Variants in ENPP6 observed in about 807,000 individuals in gnomAD.
ENPP6 encodes glycerophosphocholine cholinephosphodiesterase ENPP6.
ENPP6 carries 32 observed loss-of-function variants against 42.0 expected under a neutral mutation model. The ratio of observed to expected loss-of-function variants is 0.76; its 90% confidence interval spans 0.58 to 1.02. The LOEUF is 1.02. ENPP6 is among the 50% of genes least tolerant of loss of function. The probability of loss-of-function intolerance (pLI) is 0.00; values close to 1 mark genes in which losing one functional copy is unlikely to be tolerated. For missense variants in ENPP6, 552 were observed against 566.8 expected, an observed-to-expected ratio of 0.97 and a Z score of 0.27; for synonymous variants, 213 against 216.0, an observed-to-expected ratio of 0.99 and a Z score of 0.12.
intron 5 of ENPP6, among the ~76,000 whole-genome samples, chr4:184,115,158 C>T (rs1736292439): frequency 6.6e-6 from 1 of 152,212 alleles, no homozygotes; most frequent in African/African-American, 2.4e-5. Flanking sequence ...TAATGACTGT[C>T]CAGAGTCAAC....
intron 7 of ENPP6, among the ~76,000 whole-genome samples, chr4:184,095,904 A>G (rs1207219649): frequency 6.6e-6 from 1 of 152,058 alleles, no homozygotes; most frequent in Non-Finnish European, 1.5e-5. Context: ...TAATTCCTTT[A>G]GCTTTGGGGC....
intron 1 of ENPP6, among the ~76,000 whole-genome samples, chr4:184,159,134 C>A (rs1227696194): frequency 6.6e-6 from 1 of 152,182 alleles, no homozygotes; most frequent in Non-Finnish European, 1.5e-5. Context: ...ATTGTATCAT[C>A]AATAACCTGT....
intron 1 of ENPP6, among the ~76,000 whole-genome samples, chr4:184,208,933 C>A (rs1245371593): frequency 6.9e-6 from 1 of 143,946 alleles, no homozygotes. Context: ...TGACCCCTGA[C>A]CCCCGAGCAG....
intron 6 of ENPP6, among the ~76,000 whole-genome samples, chr4:184,112,076 C>G (rs755797894): frequency 2.0e-5 from 3 of 152,178 alleles, no homozygotes; most frequent in Non-Finnish European, 4.4e-5. Context: ...GACACGACTG[C>G]AGACTCCCCT....
chr4:184,158,677 G>A (rs1464356031), intron 1 of ENPP6, among the ~76,000 whole-genome samples: 3 of 152,142 alleles, frequency 2.0e-5, no homozygotes, highest in Admixed American at 6.5e-5. Flanking sequence ...CTATGCCTTA[G>A]GGAATTGTTA....
At chr4:184,170,894 C>T (rs1737450404) in intron 1 of ENPP6, among the ~76,000 whole-genome samples, 1 of 152,210 alleles carries the variant, frequency 6.6e-6, no homozygotes, top group Non-Finnish European at 1.5e-5. Flanking sequence ...TAATCATCAC[C>T]TACATCTGTT....
chr4:184,164,176 C>A (rs1469135925), intron 1 of ENPP6, among the ~76,000 whole-genome samples: 1 of 152,198 alleles, frequency 6.6e-6, no homozygotes, highest in African/African-American at 2.4e-5. Flanking sequence ...CTTCTCAAAG[C>A]CTCACTTTTT....
intron 2 of ENPP6, among the ~76,000 whole-genome samples, chr4:184,127,114 A>G (rs928600514): frequency 3.3e-5 from 5 of 152,252 alleles, no homozygotes; most frequent in African/African-American, 9.6e-5. Flanking sequence ...TGATAACAAT[A>G]TATTATGGAC....
chr4:184,160,196 G>A (rs1328106339), intron 1 of ENPP6, among the ~76,000 whole-genome samples: 2 of 152,182 alleles, frequency 1.3e-5, no homozygotes, highest in Non-Finnish European at 2.9e-5. Context: ...TCAAATGGTA[G>A]TTGTACTTTT....
At chr4:184,180,542 C>A (rs1478501237) in intron 1 of ENPP6, among the ~76,000 whole-genome samples, 1 of 101,112 alleles carries the variant, frequency 9.9e-6, no homozygotes, top group Non-Finnish European at 2.3e-5. Context: ...CAAAACCTGG[C>A]AGAGATACAA....
chr4:184,205,141 C>T (rs756578776), intron 1 of ENPP6, among the ~76,000 whole-genome samples: 4 of 152,172 alleles, frequency 2.6e-5, no homozygotes, highest in Non-Finnish European at 5.9e-5. Flanking sequence ...CCGTGTTAGA[C>T]AGGCTGGTCT....
Position 184,091,245 on chromosome 4 carries a change from T to A in ENPP6, c.1255A>T (p.Ser419Cys). 1.3e-6 allele frequency: 2 copies of A among 1,597,392 alleles called. No homozygotes were observed. Among genetic ancestry groups the A allele is most frequent in the Non-Finnish European group, 1.7e-6 (2 of 1,171,840 alleles). ...CTGGGCCAGACAGGCGGGGCAGTGC[T>A]GGCGCGGCCCTTCAGCATGCACATC... ...RVMCMLKGRA[S>C]TAPPVWPSHC... The change falls in exon 8 of 8, where the codon AGC becomes TGC. Residue 419 changes from serine to cysteine, a missense_variant. Physicochemically the swap from Ser to Cys is moderately radical, Grantham distance 112 (BLOSUM62 -1). Around this residue, in one of 2 missense-constraint regions of ENPP6, gnomAD observed 545 missense variants for 546.3 expected, o/e 1.00. Coordinates refer to ENST00000296741, the MANE Select transcript of ENPP6 (RefSeq NM_153343.4).
chr4:184,180,661 C>T (rs946669713), intron 1 of ENPP6, among the ~76,000 whole-genome samples: 5 of 152,178 alleles, frequency 3.3e-5, no homozygotes, highest in Non-Finnish European at 7.4e-5. Context: ...GCTTATCCAC[C>T]GTAGTGGAGT....
chr4:184,107,572 C>T (rs556214645), intron 6 of ENPP6, among the ~76,000 whole-genome samples: 164 of 152,132 alleles, frequency 1.1e-3, no homozygotes, highest in Non-Finnish European at 2.0e-3. Context: ...GTCAGGAGTT[C>T]GAGACCAGCC....
chr4:184,097,109 G>T, intron 7 of ENPP6, 136 bp downstream of exon 7: 1 of 1,298,880 alleles, frequency 7.7e-7, no homozygotes, highest in Non-Finnish European at 1.0e-6. Flanking sequence ...ATGGAGACCG[G>T]CTGGGTTTGC....
intron 1 of ENPP6, among the ~76,000 whole-genome samples, chr4:184,166,525 TA>T (rs1357472105): frequency 3.9e-5 from 6 of 152,344 alleles, no homozygotes; most frequent in African/African-American, 1.4e-4. Context: ...AGTTTTGACT[TA>T]AACACTTTTT....
At chr4:184,118,009 C>G in intron 3 of ENPP6, 109 bp from the exon 4 acceptor site, 1 of 1,396,058 alleles carries the variant, frequency 7.2e-7, no homozygotes, top group Non-Finnish European at 9.6e-7. Flanking sequence ...GAAACCTTGT[C>G]CCTGGGCCAG....
intron 2 of ENPP6, among the ~76,000 whole-genome samples, chr4:184,127,859 AG>A: frequency 6.6e-6 from 1 of 152,270 alleles, no homozygotes; most frequent in Non-Finnish European, 1.5e-5. Context: ...GCATTTTTAA[AG>A]TAATAATCTG....
rs548491060 is a variant in ENPP6, at chr4:184,138,317, G to T, written c.422-14045C>A. On this transcript the variant is annotated intron_variant, in intron 2 of 7. Coordinates refer to ENST00000296741, the MANE Select transcript of ENPP6 (RefSeq NM_153343.4). ...ATTTAATTCTTTGAACTGCTTCTTT[G>T]AATGCCAAAATCACACAGTGATCTA... 3.3e-5 allele frequency among the ~76,000 whole-genome samples: 5 copies of T among 152,272 alleles called. No homozygotes were observed. In the South Asian group the frequency reaches 1.0e-3, roughly 32 times the overall value.
Sources: allele counts gnomAD v4.1 joint callset (sites outside exome capture counted in the v4.1 genomes callset), GRCh38; gene constraint gnomAD v4.1.1; regional missense constraint gnomAD v4.1.1; transcripts MANE v1.5; gene names NCBI Gene and HGNC (gene_info 2026-07-23, HGNC 2026-07-21).